Variants in DFFA observed in about 807,000 individuals in gnomAD.
The protein encoded by DFFA is DFF45.
A neutral mutation model predicts 28.0 loss-of-function variants in DFFA; 14 were observed. The observed-to-expected ratio is 0.50, with a 90% CI of 0.33 to 0.78. The LOEUF (loss-of-function observed/expected upper bound fraction) is 0.78, where lower values mean the gene tolerates loss of function less well. Ranked by LOEUF, DFFA falls within the 30% of genes least tolerant of loss-of-function variation. DFFA has a pLI of 0.02. For synonymous variants in DFFA, 158 were observed against 170.3 expected (o/e 0.93, Z 0.56); for missense variants, 395 against 407.1 (o/e 0.97, Z 0.26).
At chr1:10,463,248 G>T in intron 4 of DFFA, 39 bp from the exon 5 acceptor site, 2 of 1,600,432 alleles carry the variant, frequency 1.2e-6, no homozygotes, top group South Asian at 2.2e-5. Context: ...GACGTGGTGT[G>T]ACCACACAGC....
In DFFA at chr1:10,472,317, G is replaced by T; in HGVS notation, c.136+6C>A. The T allele has an allele frequency of 6.3e-7, 1 of 1,587,176 alleles. No homozygotes were observed. The highest frequency in any genetic ancestry group is 8.6e-7 in the Non-Finnish European group (1 of 1,163,764). ...CCCACACCCTCGCCCGGGGTCCCGA[G>T]CCAACCCTTGCTCCTCAGGTCTTCG... On this transcript the variant is annotated splice_donor_region_variant and intron_variant, in intron 1 of 5. Coordinates refer to ENST00000377038, the MANE Select transcript of DFFA (RefSeq NM_004401.3). This position sits in a 1 kb window ranked among gnomAD's most constrained non-coding sequence, Gnocchi z 5.0.
chr1:10,457,847 A>G lies in DFFA; in HGVS notation c.*3643T>C, dbSNP rs1382197358. The G allele has an allele frequency of 1.3e-5, 2 of 151,660 alleles. No homozygotes were observed. Among genetic ancestry groups the G allele is most frequent in the African/African-American group, 4.8e-5 (2 of 41,274 alleles). 9.4% of individuals were successfully genotyped at this position (151,660 alleles called of 1,614,324 possible). ...CGCTTGGTGGGCTTGCTTCAAGTAC[A>G]GAATATTAACACTAACGCCCAGACG... On this transcript the variant is annotated 3_prime_UTR_variant, in exon 6 of 6. Coordinates refer to ENST00000377038, the MANE Select transcript of DFFA (RefSeq NM_004401.3).
At chr1:10,461,996 A>G (rs1640949755) in intron 5 of DFFA, 3 of 346,706 alleles carry the variant, frequency 8.7e-6, no homozygotes, top group Middle Eastern at 1.4e-3. Flanking sequence ...CTGGGACTAC[A>G]GGTGCCCACG....
At chr1:10,461,832 G>A in intron 5 of DFFA, 130 bp from the exon 6 acceptor site, 1 of 1,468,414 alleles carries the variant, frequency 6.8e-7, no homozygotes. Flanking sequence ...TGAAATGCCG[G>A]GTTTCCTTTA....
chr1:10,465,557 G>A (rs1279377521), intron 3 of DFFA, among the ~76,000 whole-genome samples: 1 of 151,994 alleles, frequency 6.6e-6, no homozygotes, highest in Non-Finnish European at 1.5e-5. Context: ...AAGCCACCGT[G>A]CCCGGCTGTA....
intron 3 of DFFA, among the ~76,000 whole-genome samples, chr1:10,466,665 T>TA (rs903177662): frequency 2.0e-5 from 3 of 148,158 alleles, no homozygotes; most frequent in African/African-American, 2.5e-5. Flanking sequence ...GCATTTGTAT[T>TA]AAAAAAAAAA....
chr1:10,463,252 A>C (rs550185781), intron 4 of DFFA, 43 bp from the exon 5 acceptor site: 1 of 1,598,918 alleles, frequency 6.3e-7, no homozygotes, highest in Non-Finnish European at 8.6e-7. Flanking sequence ...TGGTGTGACC[A>C]CACAGCCACA....
chr1:10,462,151 C>T (rs545088578), intron 5 of DFFA, among the ~76,000 whole-genome samples: 5 of 152,146 alleles, frequency 3.3e-5, no homozygotes, highest in African/African-American at 9.6e-5. Context: ...AGCCACCGCG[C>T]CCAGCCTGCC....
intron 5 of DFFA, 109 bp from the exon 6 acceptor site, chr1:10,461,811 C>CCT: frequency 6.7e-7 from 1 of 1,502,122 alleles, no homozygotes; most frequent in Non-Finnish European, 8.9e-7. Context: ...GTTTATGTTA[C>CCT]CTCTTTACAC....
chr1:10,471,733 C>A lies in DFFA; in HGVS notation c.136+590G>T, dbSNP rs142419140. Among the ~76,000 whole-genome samples, 268 of 152,294 alleles carry A rather than the reference C, an allele frequency of 1.8e-3. 5 individuals are homozygous for A. In the East Asian group the frequency reaches 0.04, roughly 22 times the overall value. On this transcript the variant is annotated intron_variant, in intron 1 of 5. Coordinates refer to ENST00000377038, the MANE Select transcript of DFFA (RefSeq NM_004401.3). ...GAACCAACAACCCTTTGAAGCAGGG[C>A]TATAAATATTATACCCAATTTGCTG...
In DFFA at chr1:10,463,625, C is replaced by T. The variant is rs754544065; in HGVS notation, c.442-5G>A. ...GCAGGGAGCGTCAACAAGCATCTAA[C>T]AAACAAACACAGACGCTTAGAAATC... On this transcript the variant is annotated splice_polypyrimidine_tract_variant and splice_region_variant and intron_variant, in intron 3 of 5. Coordinates refer to ENST00000377038, the MANE Select transcript of DFFA (RefSeq NM_004401.3). The T allele has an allele frequency of 5.6e-6, 9 of 1,603,850 alleles. No homozygotes were observed. The highest frequency in any genetic ancestry group is 1.3e-5 in the African/African-American group (1 of 74,242).
intron 2 of DFFA, among the ~76,000 whole-genome samples, chr1:10,468,632 C>A (rs1172281883): frequency 1.3e-5 from 2 of 152,044 alleles, no homozygotes; most frequent in African/African-American, 4.8e-5. Flanking sequence ...AGGATCCAGA[C>A]CTCAACAGCT....
rs1393977053 is a variant in DFFA at position 10,472,402 on chromosome 1, C to G, written c.57G>C (p.Lys19Asn). The stretch of plus-strand genomic sequence containing the variant: ...TGTAGTTGCGGCGCAGCAGACACGG[C>G]TTTAGAGTCCGGATCTCGCCAGATT... ...VPESGEIRTLKPCLLRRNYSR... is the reference protein window; with the variant it reads ...VPESGEIRTLNPCLLRRNYSR... The change falls in exon 1 of 6, where the codon AAG becomes AAC. Residue 19 changes from lysine to asparagine, a missense_variant. Coordinates refer to ENST00000377038, the MANE Select transcript of DFFA (RefSeq NM_004401.3). The surrounding 1 kb of genome is among the most constrained non-coding windows in gnomAD (Gnocchi z 5.0). The G allele has an allele frequency of 6.2e-7, 1 of 1,612,604 alleles. No individual in the cohort carries two copies. Among genetic ancestry groups the G allele is most frequent in the Admixed American group, 1.7e-5 (1 of 59,846 alleles).
At chr1:10,468,547 T>C (rs916745863) in intron 2 of DFFA, among the ~76,000 whole-genome samples, 1 of 151,952 alleles carries the variant, frequency 6.6e-6, no homozygotes, top group Non-Finnish European at 1.5e-5. Flanking sequence ...ACAGGTTCTA[T>C]AATTATTATG....
In DFFA at chr1:10,472,434, C is replaced by T. The variant is rs1307809683; in HGVS notation, c.25G>A (p.Val9Ile). 2 of 1,610,890 alleles carry T rather than the reference C, an allele frequency of 1.2e-6. No individual in the cohort carries two copies. Among genetic ancestry groups the T allele is most frequent in the African/African-American group, 1.3e-5 (1 of 74,778 alleles). The change falls in exon 1 of 6, where the codon GTA (valine) becomes ATA (isoleucine). Residue 9 changes from valine (V) to isoleucine (I), a missense_variant. Val to Ile is a conservative substitution (Grantham distance 29). Transcript: ENST00000377038. This position sits in a 1 kb window ranked among gnomAD's most constrained non-coding sequence, Gnocchi z 5.0. ...GTCCGGATCTCGCCAGATTCTGGTA[C>T]CCCGGCGTCCCCGGTCACCTCCATC... The part of the protein sequence containing the change: MEVTGDAG[V>I]PESGEIRTLK...
chr1:10,460,397 T>C lies in DFFA; in HGVS notation c.*1093A>G, dbSNP rs1268916653. The C allele has an allele frequency of 6.7e-6, 1 of 150,086 alleles. No homozygotes were observed. The highest frequency in any genetic ancestry group is 2.0e-4 in the East Asian group (1 of 4,978). The allele number at this position is 150,086 out of a possible 1,614,324, so 9.3% of individuals were successfully genotyped here. ...GCACCCGCCATCATGCCCAGCTAAT[T>C]TTTGTATTTTTAGTAGAGACGGGGT... On this transcript the variant is annotated 3_prime_UTR_variant, in exon 6 of 6. Transcript: ENST00000377038.
At chr1:10,470,893 T>G (rs1349768393) in intron 1 of DFFA, among the ~76,000 whole-genome samples, 2 of 150,312 alleles carry the variant, frequency 1.3e-5, no homozygotes, top group Non-Finnish European at 3.0e-5. Context: ...AAAAACCGTC[T>G]CTGCTAAAAA....
Position 10,472,329 on chromosome 1 carries a change from T to G in DFFA, c.130A>C (p.Ser44Arg). 9 of 1,602,178 alleles carry G rather than the reference T, an allele frequency of 5.6e-6. No individual in the cohort carries two copies. The highest frequency in any genetic ancestry group is 7.7e-6 in the Non-Finnish European group (9 of 1,172,998). ...VAASCLEDLRSKACDILAIDK... is the reference protein window; with the variant it reads ...VAASCLEDLRRKACDILAIDK... ...CCCGGGGTCCCGAGCCAACCCTTGC[T>G]CCTCAGGTCTTCGAGGCAGGAGGCG... Residue 44 changes from serine to arginine, a missense_variant, in exon 1 of 6, where the codon AGC becomes CGC. Coordinates refer to ENST00000377038, the MANE Select transcript of DFFA (RefSeq NM_004401.3). This position sits in a 1 kb window ranked among gnomAD's most constrained non-coding sequence, Gnocchi z 5.0.
In DFFA at chr1:10,463,426, C is replaced by T. The variant is rs1640977807; in HGVS notation, c.631+5G>A. 4 of 1,607,864 alleles carry T rather than the reference C, an allele frequency of 2.5e-6. No individual in the cohort carries two copies. Among genetic ancestry groups the T allele is most frequent in the East Asian group, 2.2e-5 (1 of 44,880 alleles). On this transcript the variant is annotated splice_donor_5th_base_variant and intron_variant, in intron 4 of 5. Coordinates refer to ENST00000377038, the MANE Select transcript of DFFA (RefSeq NM_004401.3). The stretch of plus-strand genomic sequence containing the variant: ...CAGAGTGACTCTGCCTGCAGAGAGT[C>T]CTACCTTCCTGCTTTGACAAGAGGC...
Sources: allele counts gnomAD v4.1 joint callset (sites outside exome capture counted in the v4.1 genomes callset), GRCh38; gene constraint gnomAD v4.1.1; non-coding constraint Gnocchi (gnomAD v3.1); transcripts MANE v1.5; gene names NCBI Gene and HGNC (gene_info 2026-07-23, HGNC 2026-07-21).